The following CTNNA2 variants were observed in gnomAD, a reference collection of about 807,000 sequenced individuals.
CTNNA2 encodes the protein catenin alpha 2.
A neutral mutation model predicts 101.0 loss-of-function variants in CTNNA2; 42 were observed. The observed-to-expected ratio is 0.42, with a 90% CI of 0.32 to 0.54. CTNNA2 has a LOEUF of 0.54. Ranked by LOEUF, CTNNA2 falls within the 20% of genes least tolerant of loss-of-function variation. CTNNA2 has a pLI of 0.14. For synonymous variants in CTNNA2, 450 were observed against 456.4 expected (o/e 0.99, Z 0.18); for missense variants, 871 against 1,223.1 (o/e 0.71, Z 4.29).
At chr2:79,222,345 C>T (rs1045133895) in intron 2 of CTNNA2, among the ~76,000 whole-genome samples, 1 of 152,218 alleles carries the variant, frequency 6.6e-6, no homozygotes, top group African/African-American at 2.4e-5. Context: ...TGAGTTCATC[C>T]TTCTTCTGTA....
intron 7 of CTNNA2, among the ~76,000 whole-genome samples, chr2:80,327,425 GTCT>G (rs1463216188): frequency 1.3e-5 from 2 of 152,090 alleles, no homozygotes; most frequent in African/African-American, 4.8e-5. Flanking sequence ...TAACCATCAT[GTCT>G]TCTTCAAAGT....
chr2:79,801,253 T>C (rs1240474663), intron 3 of CTNNA2, among the ~76,000 whole-genome samples: 1 of 152,160 alleles, frequency 6.6e-6, no homozygotes, highest in African/African-American at 2.4e-5. Context: ...AGATGGAACC[T>C]AACAGCAGCT....
chr2:79,400,559 G>A (rs927476163), intron 4 of CTNNA2, among the ~76,000 whole-genome samples: 2 of 151,812 alleles, frequency 1.3e-5, no homozygotes, highest in African/African-American at 2.4e-5. Flanking sequence ...AGAAAAAATC[G>A]GTTAACTTGA....
intron 7 of CTNNA2, among the ~76,000 whole-genome samples, chr2:80,267,451 C>T (rs544239607): frequency 4.9e-4 from 74 of 152,284 alleles, no homozygotes; most frequent in South Asian, 1.0e-3. Context: ...TCACCAATAG[C>T]CTAATTGGAT....
At position 80,581,686 on chromosome 2, in the gene CTNNA2, T is replaced by G. The variant is rs537199481; in HGVS notation, c.1894-20T>G. On this transcript the variant is annotated intron_variant, in intron 13 of 18. Coordinates refer to ENST00000402739, the MANE Select transcript of CTNNA2 (RefSeq NM_001282597.3). The stretch of plus-strand genomic sequence containing the variant: ...AGATTATCAATTTAAGTATGCTGAC[T>G]TATATCTTTTTGTCTTTAGACCCCA... The G allele has an allele frequency of 6.9e-7, 1 of 1,459,100 alleles. No homozygotes were observed. Among genetic ancestry groups the G allele is most frequent in the South Asian group, 1.1e-5 (1 of 87,744 alleles). The allele number at this position is 1,459,100 out of a possible 1,614,324, so 90.4% of individuals were successfully genotyped here.
chr2:79,958,668 A>G (rs78198431), intron 7 of CTNNA2, among the ~76,000 whole-genome samples: 6,291 of 152,284 alleles, frequency 0.041, 418 homozygotes, highest in African/African-American at 0.14. Flanking sequence ...GACCTGTGAA[A>G]ATAAGTCTAT....
intron 7 of CTNNA2, among the ~76,000 whole-genome samples, chr2:79,969,567 A>C (rs531393625): frequency 6.6e-6 from 1 of 152,304 alleles, no homozygotes; most frequent in South Asian, 2.1e-4. Context: ...TTTCCAAATA[A>C]ATTGAGAGAA....
chr2:80,121,478 AT>A, intron 7 of CTNNA2, among the ~76,000 whole-genome samples: 1 of 152,322 alleles, frequency 6.6e-6, no homozygotes, highest in East Asian at 1.9e-4. Context: ...CCATGCAGCA[AT>A]AAAAAATAAC....
At chr2:80,320,380 A>G (rs1465112260) in intron 7 of CTNNA2, among the ~76,000 whole-genome samples, 1 of 152,216 alleles carries the variant, frequency 6.6e-6, no homozygotes, top group African/African-American at 2.4e-5. Context: ...AAAAGCCTTA[A>G]TGTTTAACCC....
At chr2:80,395,305 A>G (rs1200198916) in intron 8 of CTNNA2, among the ~76,000 whole-genome samples, 1 of 152,186 alleles carries the variant, frequency 6.6e-6, no homozygotes, top group Non-Finnish European at 1.5e-5. Context: ...AATAAGGGTA[A>G]AAGGAGAAAT....
At chr2:80,036,172 G>A (rs149234483) in intron 7 of CTNNA2, among the ~76,000 whole-genome samples, 7 of 152,282 alleles carry the variant, frequency 4.6e-5, no homozygotes, top group African/African-American at 1.2e-4. Flanking sequence ...TGTCAGGGAC[G>A]ACAGAGAAGA....
chr2:80,572,743 C>T (rs987409163), intron 12 of CTNNA2: 1 of 152,030 alleles, frequency 6.6e-6, no homozygotes, highest in African/African-American at 2.4e-5. Flanking sequence ...CTTAATATTT[C>T]CCAAATTCTT....
chr2:80,008,674 G>A (rs546419129), intron 7 of CTNNA2, among the ~76,000 whole-genome samples: 10 of 152,250 alleles, frequency 6.6e-5, no homozygotes, highest in South Asian at 6.2e-4. Flanking sequence ...TAGCCCTGCC[G>A]CTGTCTGTGT....
intron 1 of CTNNA2, among the ~76,000 whole-genome samples, chr2:79,538,424 C>T (rs996780693): frequency 6.6e-6 from 1 of 151,960 alleles, no homozygotes; most frequent in Admixed American, 6.6e-5. Flanking sequence ...TTATTGCAAA[C>T]GTGGTATTTA....
intron 1 of CTNNA2, chr2:79,575,402 A>G (rs1675730162): frequency 6.6e-6 from 1 of 152,110 alleles, no homozygotes; most frequent in Non-Finnish European, 1.5e-5. Context: ...TGTTGTCTCC[A>G]CTGAGTTGGT....
chr2:80,644,711 T>C (rs1673874528), intron 18 of CTNNA2, among the ~76,000 whole-genome samples: 2 of 152,190 alleles, frequency 1.3e-5, no homozygotes, highest in African/African-American at 4.8e-5. Flanking sequence ...GGGCTTATTG[T>C]TTGTGGAAAT....
intron 8 of CTNNA2, among the ~76,000 whole-genome samples, chr2:80,411,118 G>C (rs918200623): frequency 6.6e-6 from 1 of 152,176 alleles, no homozygotes; most frequent in Non-Finnish European, 1.5e-5. Context: ...CCCTTGGCTT[G>C]AACCCAGTTA....
chr2:80,303,311 G>A lies in CTNNA2; in HGVS notation c.1057-89900G>A. On this transcript the variant is annotated intron_variant, in intron 7 of 18. Coordinates refer to ENST00000402739, the MANE Select transcript of CTNNA2 (RefSeq NM_001282597.3). The surrounding 1 kb of genome is among the most constrained non-coding windows in gnomAD (Gnocchi z 7.7). Reference sequence around the variant, plus strand: ...CACGGGCACAAACTGGATGGCGTTGGCCCGCATATGCAGCGTGGTGAGCTT... The same window carrying A: ...CACGGGCACAAACTGGATGGCGTTGACCCGCATATGCAGCGTGGTGAGCTT... 6.2e-7 allele frequency: 1 copy of A among 1,613,702 alleles called. No homozygotes were observed.
intron 8 of CTNNA2, among the ~76,000 whole-genome samples, chr2:80,418,740 G>A (rs576125625): frequency 2.0e-5 from 3 of 152,200 alleles, no homozygotes; most frequent in Admixed American, 2.0e-4. Flanking sequence ...GAACAAAACA[G>A]CACCAAGGTA....
Sources: gnomAD v4.1 joint callset for allele counts (sites outside exome capture counted in the v4.1 genomes callset) on GRCh38, gnomAD v4.1.1 for gene constraint, Gnocchi (gnomAD v3.1) non-coding constraint, MANE v1.5 for transcripts, NCBI Gene and HGNC (gene_info 2026-07-23, HGNC 2026-07-21) for gene names.